The following THSD7A variants were observed in gnomAD, a reference collection of about 807,000 sequenced individuals.
The protein encoded by THSD7A is thrombospondin type-1 domain-containing protein 7A.
A neutral mutation model predicts 231.3 loss-of-function variants in THSD7A; 96 were observed. The observed-to-expected ratio is 0.41, with a 90% CI of 0.35 to 0.49. THSD7A has a LOEUF of 0.49. Among genes scored for constraint, THSD7A ranks in the 20% least tolerant of loss-of-function variants. The pLI, the probability that THSD7A is intolerant of heterozygous loss-of-function variation, is 0.05. For synonymous variants in THSD7A, 940 were observed against 743.3 expected (o/e 1.26, Z -4.30); for missense variants, 2,290 against 2,070.2 (o/e 1.11, Z -2.06).
In THSD7A at chr7:11,755,496, TG is replaced by T. The variant is rs1488487950; in HGVS notation, c.190+76260del. Among the ~76,000 whole-genome samples, 5 of 152,042 alleles carry T rather than the reference TG, an allele frequency of 3.3e-5. No individual in the cohort carries two copies. In the East Asian group the frequency reaches 9.7e-4, roughly 30 times the overall value. On this transcript the variant is annotated intron_variant, in intron 1 of 27. Coordinates refer to ENST00000423059, the MANE Select transcript of THSD7A (RefSeq NM_015204.3). ...CTTATGAAAGCCAAAAGGGAAGGCT[TG>T]GAAAGTCAGGGAAGGCCTTCAGACC...
chr7:11,401,760 T>G (rs1438582323), intron 23 of THSD7A, 35 bp downstream of exon 23: 1 of 1,528,750 alleles, frequency 6.5e-7, no homozygotes, highest in Admixed American at 2.1e-5. Flanking sequence ...CTTATGCTTT[T>G]GCTTAAGATA....
intron 1 of THSD7A, among the ~76,000 whole-genome samples, chr7:11,657,313 G>A (rs1018910441): frequency 1.3e-5 from 2 of 151,722 alleles, no homozygotes; most frequent in Non-Finnish European, 2.9e-5. Context: ...ACTTGAGGTT[G>A]TTTAGGTACA....
chr7:11,426,840 A>C (rs1784336923), intron 14 of THSD7A, among the ~76,000 whole-genome samples, 169 bp from the exon 15 acceptor site: 1 of 152,190 alleles, frequency 6.6e-6, no homozygotes, highest in South Asian at 2.1e-4. Context: ...CTCAGGAGAT[A>C]ATACACAACT....
intron 1 of THSD7A, among the ~76,000 whole-genome samples, chr7:11,813,047 A>G (rs1233738657): frequency 6.6e-6 from 1 of 152,230 alleles, no homozygotes; most frequent in African/African-American, 2.4e-5. Flanking sequence ...AGCTGTGAAA[A>G]CGATGTAGGC....
intron 1 of THSD7A, among the ~76,000 whole-genome samples, chr7:11,683,638 T>C (rs2128139731): frequency 6.6e-6 from 1 of 152,036 alleles, no homozygotes; most frequent in East Asian, 1.9e-4. Context: ...ATGAATAAAT[T>C]CCTGGATACA....
intron 6 of THSD7A, among the ~76,000 whole-genome samples, chr7:11,495,244 G>A (rs974079925): frequency 2.6e-5 from 4 of 151,936 alleles, no homozygotes; most frequent in Admixed American, 1.3e-4. Context: ...TTAAAAATAC[G>A]TAACATCCTG....
intron 1 of THSD7A, among the ~76,000 whole-genome samples, chr7:11,660,776 T>C (rs1268348874): frequency 1.3e-5 from 2 of 151,468 alleles, no homozygotes; most frequent in Non-Finnish European, 3.0e-5. Context: ...TATGAGCAAA[T>C]GTGTTTTTAA....
Position 11,590,580 on chromosome 7 carries a change from C to G in THSD7A, c.1333G>C (p.Asp445His). 1 of 1,613,826 alleles carries G rather than the reference C, an allele frequency of 6.2e-7. No homozygotes were observed. Among genetic ancestry groups the G allele is most frequent in the Non-Finnish European group, 8.5e-7 (1 of 1,179,800 alleles). ...CRVDPLLSQQDKRRGNQTALC... is the reference protein window; with the variant it reads ...CRVDPLLSQQHKRRGNQTALC... ...GCCGTCTGGTTGCCGCGCCTCTTGT[C>G]CTGCTGACTGAGCAAAGGGTCCACA... The change falls in exon 4 of 28, where the codon GAC (aspartate) becomes CAC (histidine). Residue 445 changes from aspartate to histidine, a missense_variant. By Grantham distance (81) the Asp-to-His change is moderately conservative (BLOSUM62 -1). Coordinates refer to ENST00000423059, the MANE Select transcript of THSD7A (RefSeq NM_015204.3). The surrounding 1 kb of genome is among the most constrained non-coding windows in gnomAD (Gnocchi z 4.4).
intron 7 of THSD7A, among the ~76,000 whole-genome samples, chr7:11,479,231 T>C (rs1430859429): frequency 1.3e-5 from 2 of 152,212 alleles, no homozygotes; most frequent in Non-Finnish European, 2.9e-5. Flanking sequence ...AGTCTATCCT[T>C]ATTAATTACA....
chr7:11,739,087 C>T (rs1782017056), intron 1 of THSD7A, among the ~76,000 whole-genome samples: 1 of 151,908 alleles, frequency 6.6e-6, no homozygotes, highest in African/African-American at 2.4e-5. Context: ...GCCCAAGTAA[C>T]AAATGTTATA....
chr7:11,683,139 C>G (rs1239820916), intron 1 of THSD7A, among the ~76,000 whole-genome samples: 1 of 143,202 alleles, frequency 7.0e-6, no homozygotes, highest in Non-Finnish European at 1.5e-5. Flanking sequence ...AAAAAAAAAT[C>G]AAAATCATGC....
At chr7:11,408,244 C>T (rs903811056) in intron 19 of THSD7A, among the ~76,000 whole-genome samples, 16 of 152,112 alleles carry the variant, frequency 1.1e-4, no homozygotes, top group African/African-American at 3.9e-4. Context: ...TGCGGTGGCT[C>T]ATGCCTGTAA....
intron 1 of THSD7A, among the ~76,000 whole-genome samples, chr7:11,641,576 T>C (rs915129912): frequency 2.0e-5 from 3 of 152,126 alleles, no homozygotes; most frequent in African/African-American, 7.2e-5. Flanking sequence ...ACAGATAACA[T>C]TGTGGGATTT....
At chr7:11,802,671 G>A (rs896887539) in intron 1 of THSD7A, among the ~76,000 whole-genome samples, 1 of 152,146 alleles carries the variant, frequency 6.6e-6, no homozygotes, top group East Asian at 1.9e-4. Flanking sequence ...TATGATTAAA[G>A]TGAGGATATG....
chr7:11,501,256 A>AAACTC (rs1787325968), intron 6 of THSD7A, among the ~76,000 whole-genome samples: 1 of 152,224 alleles, frequency 6.6e-6, no homozygotes, highest in South Asian at 2.1e-4. Flanking sequence ...TTCAGGACCT[A>AAACTC]AACTCAGCAT....
intron 4 of THSD7A, among the ~76,000 whole-genome samples, chr7:11,583,015 A>G (rs1208640685): frequency 6.6e-6 from 1 of 151,556 alleles, no homozygotes; most frequent in African/African-American, 2.4e-5. Context: ...CATGACTATT[A>G]TCCTCATTTT....
chr7:11,487,238 A>G (rs1326822399), intron 6 of THSD7A, among the ~76,000 whole-genome samples: 1 of 152,150 alleles, frequency 6.6e-6, no homozygotes, highest in Non-Finnish European at 1.5e-5. Flanking sequence ...TTATCAGGAT[A>G]AGAGACTAAA....
At chr7:11,755,983 T>G (rs1286176166) in intron 1 of THSD7A, among the ~76,000 whole-genome samples, 1 of 152,080 alleles carries the variant, frequency 6.6e-6, no homozygotes, top group East Asian at 1.9e-4. Context: ...ACAATTTTCA[T>G]GTGCACTTAT....
rs1784920033 is a variant in THSD7A, at chr7:11,444,951, A to ATATG, written c.3064+1106_3064+1109dup. ...ATGTATATATAGAATGAAACTATATATATGTATATATATATTAAATGAAAC... is the reference window on the plus strand; with the variant it reads ...ATGTATATATAGAATGAAACTATATATATGTATGTATATATATATTAAATGAAAC... On this transcript the variant is annotated intron_variant, in intron 13 of 27. Transcript: ENST00000423059. This position sits in a 1 kb window ranked among gnomAD's most constrained non-coding sequence, Gnocchi z 4.2. 6.7e-6 allele frequency among the ~76,000 whole-genome samples: 1 copy of ATATG among 148,702 alleles called. No homozygotes were observed. The highest frequency in any genetic ancestry group is 1.5e-5 in the Non-Finnish European group (1 of 67,330).
Sources: allele counts gnomAD v4.1 joint callset (sites outside exome capture counted in the v4.1 genomes callset), GRCh38; gene constraint gnomAD v4.1.1; non-coding constraint Gnocchi (gnomAD v3.1); transcripts MANE v1.5; gene names NCBI Gene and HGNC (gene_info 2026-07-23, HGNC 2026-07-21).